MALRD1: variants seen among roughly 807,000 people sequenced by gnomAD.
The protein encoded by MALRD1 is MAM and LDL receptor class A domain containing 1.
A neutral mutation model predicts 242.1 loss-of-function variants in MALRD1; 247 were observed. The observed-to-expected ratio is 1.02, with a 90% CI of 0.92 to 1.13. The LOEUF is 1.13. Among genes scored for constraint, MALRD1 ranks in the 50% most tolerant of loss-of-function variants. MALRD1 has a pLI of 0.00. For missense variants in MALRD1, 2,989 were observed against 2,533.1 expected (o/e 1.18, Z -3.86); for synonymous variants, 995 against 866.6 (o/e 1.15, Z -2.60).
At chr10:19,527,919 A>C (rs2065497) in intron 31 of MALRD1, among the ~76,000 whole-genome samples, 113,129 of 152,124 alleles carry the variant, frequency 0.74, 43,724 homozygotes, top group Non-Finnish European at 0.84. Context: ...AGATATTCTT[A>C]TTTAATTAAA....
chr10:19,360,277 A>G (rs1844833266), intron 26 of MALRD1, among the ~76,000 whole-genome samples: 1 of 152,074 alleles, frequency 6.6e-6, no homozygotes, highest in Non-Finnish European at 1.5e-5. Context: ...ATGGCCAGGG[A>G]TGAACTGGGC....
intron 29 of MALRD1, among the ~76,000 whole-genome samples, chr10:19,467,409 A>G (rs1157075083): frequency 6.6e-6 from 1 of 150,380 alleles, no homozygotes; most frequent in African/African-American, 2.4e-5. Context: ...AAAAAAAAAA[A>G]AAAGAAAAAG....
intron 19 of MALRD1, among the ~76,000 whole-genome samples, chr10:19,268,649 T>A (rs76943822): frequency 6.6e-6 from 1 of 152,198 alleles, no homozygotes; most frequent in Non-Finnish European, 1.5e-5. Context: ...AAGAAATTCA[T>A]TCAGTAATCA....
intron 7 of MALRD1, among the ~76,000 whole-genome samples, chr10:19,125,230 G>T (rs1837215464): frequency 6.6e-6 from 1 of 151,862 alleles, no homozygotes; most frequent in Non-Finnish European, 1.5e-5. Flanking sequence ...ACAGGTTTGA[G>T]CCATCATGCC....
At chr10:19,080,633 AC>A (rs1182487268) in intron 2 of MALRD1, among the ~76,000 whole-genome samples, 2 of 152,042 alleles carry the variant, frequency 1.3e-5, no homozygotes, top group African/African-American at 2.4e-5. Flanking sequence ...TGGACTAAAG[AC>A]TTACATGTAA....
chr10:19,566,337 A>G (rs7897093), intron 32 of MALRD1, among the ~76,000 whole-genome samples: 4,543 of 131,658 alleles, frequency 0.035, 255 homozygotes, highest in African/African-American at 0.12. Flanking sequence ...TTTTTAGTAG[A>G]GACGTGTTAG....
At chr10:19,088,317 T>G (rs377461447) in intron 4 of MALRD1, 132 bp downstream of exon 4, 23 of 792,728 alleles carry the variant, frequency 2.9e-5, no homozygotes, top group Middle Eastern at 3.4e-4. Flanking sequence ...GACTTTCAAA[T>G]GCTGAAAGTG....
intron 36 of MALRD1, among the ~76,000 whole-genome samples, chr10:19,638,985 G>A (rs1564507092): frequency 6.6e-6 from 1 of 151,988 alleles, no homozygotes; most frequent in Non-Finnish European, 1.5e-5. Context: ...GGGTTGTTTG[G>A]GGGTGGGAGC....
At chr10:19,598,265 ATCAT>A (rs1189391693) in intron 34 of MALRD1, 11 of 152,156 alleles carry the variant, frequency 7.2e-5, no homozygotes, top group Non-Finnish European at 1.3e-4. Context: ...GCTTTCAGGG[ATCAT>A]GTCTATAGTT....
intron 28 of MALRD1, among the ~76,000 whole-genome samples, chr10:19,438,771 A>G (rs1834466387): frequency 6.6e-6 from 1 of 152,066 alleles, no homozygotes; most frequent in Non-Finnish European, 1.5e-5. Context: ...TTGAGTGGTG[A>G]GTGACTTTTT....
intron 10 of MALRD1, 46 bp from the exon 11 acceptor site, chr10:19,146,152 A>G (rs933240095): frequency 7.3e-6 from 9 of 1,225,732 alleles, no homozygotes; most frequent in Non-Finnish European, 9.2e-6. Flanking sequence ...GTTTGCCTGC[A>G]TGCTCTTCAT....
intron 32 of MALRD1, among the ~76,000 whole-genome samples, chr10:19,562,821 T>A (rs1836047247): frequency 6.6e-6 from 1 of 152,106 alleles, no homozygotes; most frequent in South Asian, 2.1e-4. Flanking sequence ...GACCTGTGCA[T>A]GTGAGGGACC....
intron 33 of MALRD1, among the ~76,000 whole-genome samples, chr10:19,586,959 G>A (rs186340865): frequency 3.1e-4 from 47 of 152,328 alleles, no homozygotes; most frequent in East Asian, 1.2e-3. Flanking sequence ...TCGGAAAAGC[G>A]CAGTATTTGG....
intron 24 of MALRD1, among the ~76,000 whole-genome samples, chr10:19,338,491 T>C (rs1019255840): frequency 1.3e-5 from 2 of 152,116 alleles, no homozygotes; most frequent in Non-Finnish European, 2.9e-5. Flanking sequence ...TTTTTAAAGC[T>C]GGATGTCTCA....
chr10:19,624,470 T>C (rs1382483613), intron 36 of MALRD1, among the ~76,000 whole-genome samples: 1 of 152,042 alleles, frequency 6.6e-6, no homozygotes, highest in Non-Finnish European at 1.5e-5. Flanking sequence ...ACCTAAAAAG[T>C]GTGTTATTGT....
chr10:19,352,634 A>G (rs1166630524), intron 26 of MALRD1, among the ~76,000 whole-genome samples: 2 of 152,198 alleles, frequency 1.3e-5, no homozygotes, highest in Non-Finnish European at 2.9e-5. Flanking sequence ...CCAATAAAAC[A>G]TAGGTAAATT....
At chr10:19,383,961 A>G (rs1472169463) in intron 26 of MALRD1, among the ~76,000 whole-genome samples, 1 of 151,986 alleles carries the variant, frequency 6.6e-6, no homozygotes, top group African/African-American at 2.4e-5. Context: ...TTAAGTTTGT[A>G]GAACCTAACT....
chr10:19,456,724 C>T (rs891472157), intron 29 of MALRD1, among the ~76,000 whole-genome samples: 5 of 151,528 alleles, frequency 3.3e-5, no homozygotes, highest in African/African-American at 7.3e-5. Context: ...ATGCACATCT[C>T]GCCCTAATGA....
rs752271894 is a variant in MALRD1 at position 19,049,495 on chromosome 10, G to A, written c.199+358G>A. Among the ~76,000 whole-genome samples the A allele has an allele frequency of 2.7e-4, 41 of 152,304 alleles. 1 individual carries two copies. The highest frequency in any genetic ancestry group is 1.2e-3 in the Admixed American group (18 of 15,304). On this transcript the variant is annotated intron_variant, in intron 1 of 39. Transcript: ENST00000454679. ...GCTATGATGGAGATCAATAGCTTAC[G>A]TGTGAATTTAATGTGGAGATATTTG...
Sources: gnomAD v4.1 joint callset for allele counts (sites outside exome capture counted in the v4.1 genomes callset) on GRCh38, gnomAD v4.1.1 for gene constraint, MANE v1.5 for transcripts, NCBI Gene and HGNC (gene_info 2026-07-23, HGNC 2026-07-21) for gene names.